The following MSH4 variants were observed in gnomAD, a reference collection of about 807,000 sequenced individuals.
MSH4 encodes the protein mutS homolog 4.
MSH4 carries 106 observed loss-of-function variants against 113.7 expected under a neutral mutation model. The observed-to-expected ratio is 0.93, with a 90% CI of 0.80 to 1.10. MSH4 has a LOEUF of 1.10. MSH4 is among the 50% of genes least tolerant of loss of function. The probability of loss-of-function intolerance (pLI) is 0.00; values close to 1 mark genes in which losing one functional copy is unlikely to be tolerated. For synonymous variants in MSH4, 368 were observed against 380.2 expected (o/e 0.97, Z 0.37); for missense variants, 1,061 against 1,093.7 (o/e 0.97, Z 0.42).
intron 7 of MSH4, among the ~76,000 whole-genome samples, chr1:75,831,490 C>T (rs369903220): frequency 6.6e-6 from 1 of 152,176 alleles, no homozygotes; most frequent in Non-Finnish European, 1.5e-5. Flanking sequence ...TACATTTTCT[C>T]AGCACCACAT....
chr1:75,863,167 T>C (rs946934745), intron 8 of MSH4, among the ~76,000 whole-genome samples: 2 of 152,180 alleles, frequency 1.3e-5, no homozygotes, highest in Non-Finnish European at 2.9e-5. Flanking sequence ...ATTCCTTCTT[T>C]GATTTATTCT....
At position 75,885,996 on chromosome 1, in the gene MSH4, A is replaced by G. The variant is rs1325116716; in HGVS notation, c.2107+2175A>G. ...GTATAGTATATATGATGTATTATAT[A>G]GCATGTATAGTATATATGATGTATT... On this transcript the variant is annotated intron_variant, in intron 15 of 19. Coordinates refer to ENST00000263187, the MANE Select transcript of MSH4 (RefSeq NM_002440.4). Among the ~76,000 whole-genome samples, 34 of 97,238 alleles carry G rather than the reference A, an allele frequency of 3.5e-4. 4 individuals carry two copies. The highest frequency in any genetic ancestry group is 1.3e-3 in the African/African-American group (30 of 23,642). The allele number at this position is 97,238 out of a possible 152,430, so 63.8% of individuals were successfully genotyped here.
chr1:75,889,369 G>T lies in MSH4; in HGVS notation c.2226G>T (p.Glu742Asp). The change falls in exon 16 of 20, where the codon GAG becomes GAT. Residue 742 changes from glutamate to aspartate, a missense_variant and splice_region_variant. By Grantham distance (45) the Glu-to-Asp change is conservative (BLOSUM62 2). Transcript: ENST00000263187. ...CAACATTTATGAAAGAAATGAAAGAGGTACCCAAACAAAACTTTTCTTATG... is the reference window on the plus strand; with the variant it reads ...CAACATTTATGAAAGAAATGAAAGATGTACCCAAACAAAACTTTTCTTATG... ...NSSTFMKEMK[E>D]IAYILHNAND... 7.3e-7 allele frequency: 1 copy of T among 1,361,114 alleles called. No individual in the cohort carries two copies. Among genetic ancestry groups the T allele is most frequent in the South Asian group, 1.3e-5 (1 of 76,602 alleles). 84.3% of individuals were successfully genotyped at this position (1,361,114 alleles called of 1,614,324 possible). A position where few individuals can be genotyped will look rare whatever the true frequency, so the allele number is the denominator to read the frequency against.
chr1:75,878,977 G>T lies in MSH4; in HGVS notation c.1541-15G>T. The T allele has an allele frequency of 6.3e-7, 1 of 1,592,580 alleles. No individual in the cohort carries two copies. Among genetic ancestry groups the T allele is most frequent in the African/African-American group, 1.4e-5 (1 of 73,814 alleles). ...ATTTTGTTTTGTTTTTGTTTTTCTT[G>T]TTTCTGGTCACCAGGAATGATATCA... is the stretch of plus-strand genomic sequence containing the variant. On this transcript the variant is annotated splice_polypyrimidine_tract_variant and intron_variant, in intron 11 of 19. Transcript: ENST00000263187.
intron 11 of MSH4, among the ~76,000 whole-genome samples, chr1:75,878,618 A>G (rs772622033): frequency 3.9e-5 from 6 of 152,170 alleles, no homozygotes; most frequent in Non-Finnish European, 7.4e-5. Context: ...AGCCTTGGCA[A>G]CATAGCTAGT....
intron 19 of MSH4, among the ~76,000 whole-genome samples, chr1:75,909,046 C>T (rs534146337): frequency 7.9e-5 from 12 of 152,250 alleles, no homozygotes; most frequent in African/African-American, 2.9e-4. Flanking sequence ...GTTTCTAATT[C>T]CACTCCCCTT....
chr1:75,832,058 AAG>A (rs1224648029), intron 7 of MSH4, among the ~76,000 whole-genome samples: 1 of 152,192 alleles, frequency 6.6e-6, no homozygotes, highest in Non-Finnish European at 1.5e-5. Context: ...TAAAGAAGAA[AAG>A]AGAGAAGAAT....
chr1:75,890,774 G>A lies in MSH4; in HGVS notation c.2305G>A (p.Glu769Lys). The A allele has an allele frequency of 1.2e-6, 2 of 1,610,386 alleles. No homozygotes were observed. Among genetic ancestry groups the A allele is most frequent in the Non-Finnish European group, 1.7e-6 (2 of 1,178,066 alleles). Residue 769 changes from glutamate to lysine, a missense_variant, in exon 17 of 20, where the codon GAA (glutamate) becomes AAA (lysine). Transcript: ENST00000263187. ...ACTTGGCAGAGGTACTAATACGGAA[G>A]AAGGTATTGGCATTTGTTATGCTGT... ...DELGRGTNTE[E>K]GIGICYAVCE...
intron 1 of MSH4, among the ~76,000 whole-genome samples, chr1:75,797,666 T>C (rs1649847333): frequency 6.6e-6 from 1 of 152,216 alleles, no homozygotes; most frequent in South Asian, 2.1e-4. Flanking sequence ...GGGCGGTGGC[T>C]GACGCCTGTA....
intron 7 of MSH4, among the ~76,000 whole-genome samples, chr1:75,834,131 A>C (rs1202007557): frequency 6.6e-6 from 1 of 152,232 alleles, no homozygotes; most frequent in Non-Finnish European, 1.5e-5. Context: ...ATATGAACAG[A>C]CACTTCGCAA....
intron 8 of MSH4, among the ~76,000 whole-genome samples, chr1:75,867,201 T>C (rs1342290667): frequency 3.3e-5 from 5 of 152,202 alleles, no homozygotes; most frequent in African/African-American, 1.2e-4. Context: ...TCTTAGTCTC[T>C]TGGTGCTGCT....
chr1:75,871,474 G>A (rs1414048703), intron 9 of MSH4, among the ~76,000 whole-genome samples: 1 of 152,064 alleles, frequency 6.6e-6, no homozygotes, highest in Non-Finnish European at 1.5e-5. Context: ...AGGAAATCAA[G>A]GTGATTAATA....
chr1:75,829,066 A>G (rs1650622672), intron 7 of MSH4, among the ~76,000 whole-genome samples: 1 of 152,154 alleles, frequency 6.6e-6, no homozygotes, highest in African/African-American at 2.4e-5. Context: ...AGTACCTGGA[A>G]AATTGGGACA....
chr1:75,801,448 A>G (rs191631871), intron 1 of MSH4, among the ~76,000 whole-genome samples: 64 of 151,960 alleles, frequency 4.2e-4, no homozygotes, highest in Non-Finnish European at 7.9e-4. Flanking sequence ...CATGCCTATA[A>G]TGCCAGCTGC....
At chr1:75,890,391 T>C (rs886961187) in intron 16 of MSH4, among the ~76,000 whole-genome samples, 1 of 152,076 alleles carries the variant, frequency 6.6e-6, no homozygotes, top group Admixed American at 6.6e-5. Context: ...TGTGCTTAGT[T>C]TAAACATTTA....
rs755819255 is a variant in MSH4 at position 75,912,674 on chromosome 1, A to T, written c.2620-22A>T. The T allele has an allele frequency of 1.0e-3, 702 of 683,986 alleles. 8 individuals are homozygous for T. In the African/African-American group the frequency reaches 0.013, roughly 12 times the overall value. The allele number at this position is 683,986 out of a possible 1,614,324, so 42.4% of individuals were successfully genotyped here. A position where few individuals can be genotyped will look rare whatever the true frequency, so the allele number is the denominator to read the frequency against. On this transcript the variant is annotated intron_variant, in intron 19 of 19. Transcript: ENST00000263187. ...ATGGTATTTGTGTATATATATATAT[A>T]TTTTTTTTTTTTCAATGACAGCAAA...
At chr1:75,836,045 C>T (rs928405763) in intron 7 of MSH4, among the ~76,000 whole-genome samples, 1 of 152,110 alleles carries the variant, frequency 6.6e-6, no homozygotes, top group Admixed American at 6.6e-5. Context: ...ACACAGAGTA[C>T]CCAAAATGCC....
Position 75,892,400 on chromosome 1 carries a change from C to T in MSH4, c.2355+1576C>T, listed in dbSNP as rs1652275873. Among the ~76,000 whole-genome samples the T allele has an allele frequency of 2.0e-5, 3 of 151,910 alleles. No homozygotes were observed. The South Asian group carries it at 6.2e-4, about 32-fold the overall frequency. Reference sequence around the variant, plus strand: ...ACACTCTCTCTCTCTCTCTCTTTCTCTCTCTCACTCTCACTCCTGCCCCAC... The same window carrying T: ...ACACTCTCTCTCTCTCTCTCTTTCTTTCTCTCACTCTCACTCCTGCCCCAC... On this transcript the variant is annotated intron_variant, in intron 17 of 19. Coordinates refer to ENST00000263187, the MANE Select transcript of MSH4 (RefSeq NM_002440.4).
At chr1:75,867,877 A>G (rs1389320143) in intron 9 of MSH4, among the ~76,000 whole-genome samples, 5 of 152,120 alleles carry the variant, frequency 3.3e-5, no homozygotes. Flanking sequence ...TTATTATCAA[A>G]TTCAGAATAA....
Sources: allele counts gnomAD v4.1 joint callset (sites outside exome capture counted in the v4.1 genomes callset), GRCh38; gene constraint gnomAD v4.1.1; transcripts MANE v1.5; gene names NCBI Gene and HGNC (gene_info 2026-07-23, HGNC 2026-07-21).